The following ZNF423 variants were observed in gnomAD, a reference collection of about 807,000 sequenced individuals.
ZNF423 encodes Ebf-associated zinc finger protein.
In ZNF423, 12 loss-of-function variants were observed where a neutral mutation model predicts 95.8. The observed-to-expected ratio is 0.13, with a 90% CI of 0.08 to 0.20. The LOEUF (loss-of-function observed/expected upper bound fraction) is 0.20, where lower values mean the gene tolerates loss of function less well. Ranked by LOEUF, ZNF423 falls within the 10% of genes least tolerant of loss-of-function variation. ZNF423 has a pLI of 1.00. For synonymous variants in ZNF423, 749 were observed against 711.9 expected, an observed-to-expected ratio of 1.05 and a Z score of -0.83; for missense variants, 1,316 against 1,737.1, an observed-to-expected ratio of 0.76 and a Z score of 4.31.
chr16:49,691,564 C>A (rs2031782893), intron 3 of ZNF423, among the ~76,000 whole-genome samples: 1 of 152,028 alleles, frequency 6.6e-6, no homozygotes, highest in African/African-American at 2.4e-5. Flanking sequence ...AACCCCGTCT[C>A]TACTAAACAT....
chr16:49,776,734 C>T (rs1168774605), intron 2 of ZNF423, among the ~76,000 whole-genome samples: 1 of 152,218 alleles, frequency 6.6e-6, no homozygotes, highest in Non-Finnish European at 1.5e-5. Context: ...TAGGTCCACA[C>T]CAGGGTCAGC....
At chr16:49,601,842 G>A (rs566251691) in intron 5 of ZNF423, among the ~76,000 whole-genome samples, 173 of 152,356 alleles carry the variant, frequency 1.1e-3, no homozygotes, top group African/African-American at 4.1e-3. Context: ...GAGCCAGGGC[G>A]GAGGAAACAG....
intron 1 of ZNF423, among the ~76,000 whole-genome samples, chr16:49,817,187 A>T (rs2034868718): frequency 6.6e-6 from 1 of 152,192 alleles, no homozygotes; most frequent in South Asian, 2.1e-4. Flanking sequence ...GGCTCTGGCC[A>T]CCTGACGTCC....
At chr16:49,498,845 C>T (rs1371103182) in intron 7 of ZNF423, among the ~76,000 whole-genome samples, 1 of 152,154 alleles carries the variant, frequency 6.6e-6, no homozygotes, top group Non-Finnish European at 1.5e-5. Flanking sequence ...AACAGATGGC[C>T]TGTCTTAAAG....
intron 7 of ZNF423, among the ~76,000 whole-genome samples, chr16:49,520,680 T>C (rs1968360655): frequency 6.6e-6 from 1 of 152,074 alleles, no homozygotes; most frequent in Non-Finnish European, 1.5e-5. Context: ...TGGCCTTGCC[T>C]CCCACTGCCC....
At chr16:49,846,345 G>C (rs2035246063) in intron 1 of ZNF423, among the ~76,000 whole-genome samples, 1 of 150,914 alleles carries the variant, frequency 6.6e-6, no homozygotes, top group African/African-American at 2.4e-5. Flanking sequence ...CACAGAGGTA[G>C]TGAGCGCCCT....
At chr16:49,842,285 AG>A (rs1567368230) in intron 1 of ZNF423, among the ~76,000 whole-genome samples, 3 of 15,238 alleles carry the variant, frequency 2.0e-4, no homozygotes, top group African/African-American at 8.2e-4. Context: ...AGGGGAGGGG[AG>A]GGGAGGGGAG....
At chr16:49,668,505 G>C (rs1416944065) in intron 3 of ZNF423, among the ~76,000 whole-genome samples, 1 of 152,186 alleles carries the variant, frequency 6.6e-6, no homozygotes, top group Non-Finnish European at 1.5e-5. Context: ...CCATCCAGAA[G>C]GTCCCACTGG....
intron 5 of ZNF423, among the ~76,000 whole-genome samples, chr16:49,525,797 G>T (rs2151709588): frequency 6.6e-6 from 1 of 152,310 alleles, no homozygotes; most frequent in South Asian, 2.1e-4. Context: ...TCCCAAGACT[G>T]GGTCACTGTG....
rs1281976728 is a variant in ZNF423, at chr16:49,637,034, G to T, written c.2142C>A (p.Asp714Glu). Residue 714 changes from aspartate to glutamate, a missense_variant, in exon 4 of 8, where the codon GAC (aspartate) becomes GAA (glutamate). Physicochemically the swap from Asp to Glu is conservative, Grantham distance 45. Around this residue, in one of 6 missense-constraint regions of ZNF423, gnomAD observed 620 missense variants for 775.6 expected, o/e 0.80. Coordinates refer to ENST00000563137, the MANE Select transcript of ZNF423 (RefSeq NM_001379286.1). The surrounding 1 kb of genome is among the most constrained non-coding windows in gnomAD (Gnocchi z 5.6). The part of the protein sequence containing the change: ...SCDKQFSSVD[D>E]LQKHLLDMHT... ...GCATGTCCAGCAGGTGCTTCTGCAGGTCATCCACCGAGGAAAATTGCTTGT... is the reference window on the plus strand; with the variant it reads ...GCATGTCCAGCAGGTGCTTCTGCAGTTCATCCACCGAGGAAAATTGCTTGT... The T allele has an allele frequency of 1.7e-5, 28 of 1,613,830 alleles. No individual in the cohort carries two copies. Among genetic ancestry groups the T allele is most frequent in the South Asian group, 2.2e-5 (2 of 91,090 alleles).
intron 2 of ZNF423, among the ~76,000 whole-genome samples, chr16:49,742,584 G>A (rs895836711): frequency 6.6e-6 from 1 of 152,070 alleles, no homozygotes; most frequent in South Asian, 2.1e-4. Flanking sequence ...TTCTGCCCTC[G>A]CCTTGCTGTC....
intron 5 of ZNF423, among the ~76,000 whole-genome samples, chr16:49,577,167 G>A (rs1308375628): frequency 6.6e-6 from 1 of 152,202 alleles, no homozygotes; most frequent in South Asian, 2.1e-4. Flanking sequence ...CCCTGCAGGA[G>A]CGGTGCTGTG....
chr16:49,633,917 T>C (rs1485884768), intron 4 of ZNF423, among the ~76,000 whole-genome samples: 1 of 151,424 alleles, frequency 6.6e-6, no homozygotes, highest in Non-Finnish European at 1.5e-5. Context: ...TTCTTTCTTT[T>C]TTTTTTTGAG....
At chr16:49,642,354 C>T (rs558119825) in intron 3 of ZNF423, among the ~76,000 whole-genome samples, 1 of 152,306 alleles carries the variant, frequency 6.6e-6, no homozygotes, top group East Asian at 1.9e-4. Flanking sequence ...ATCAGTCATT[C>T]ACCCAGTAGG....
At chr16:49,532,708 G>A (rs1269851480) in intron 5 of ZNF423, among the ~76,000 whole-genome samples, 1 of 152,202 alleles carries the variant, frequency 6.6e-6, no homozygotes, top group Non-Finnish European at 1.5e-5. Flanking sequence ...TGGCAACGGA[G>A]AATGAGCTCA....
chr16:49,759,240 A>C (rs992328955), intron 2 of ZNF423, among the ~76,000 whole-genome samples: 3 of 152,120 alleles, frequency 2.0e-5, no homozygotes, highest in African/African-American at 7.2e-5. Flanking sequence ...TCTACTAAAA[A>C]TACAAAAAAT....
chr16:49,672,754 G>T (rs2030870295), intron 3 of ZNF423, among the ~76,000 whole-genome samples: 1 of 152,136 alleles, frequency 6.6e-6, no homozygotes, highest in African/African-American at 2.4e-5. Flanking sequence ...GGCAACGGAG[G>T]TTGCACTGAG....
intron 3 of ZNF423, among the ~76,000 whole-genome samples, chr16:49,719,664 T>C (rs2032807973): frequency 2.0e-5 from 3 of 152,180 alleles, no homozygotes; most frequent in African/African-American, 7.2e-5. Context: ...CCCCTCACCC[T>C]ATCTCTCCTG....
At chr16:49,708,861 C>T (rs1025540419) in intron 3 of ZNF423, among the ~76,000 whole-genome samples, 8 of 152,120 alleles carry the variant, frequency 5.3e-5, no homozygotes, top group African/African-American at 1.7e-4. Context: ...GGCATGGGAC[C>T]TAGTAGGTGC....
Sources: gnomAD v4.1 joint callset for allele counts (sites outside exome capture counted in the v4.1 genomes callset) on GRCh38, gnomAD v4.1.1 for gene constraint, gnomAD v4.1.1 regional missense constraint, Gnocchi (gnomAD v3.1) non-coding constraint, MANE v1.5 for transcripts, NCBI Gene and HGNC (gene_info 2026-07-23, HGNC 2026-07-21) for gene names.